MRPL1: variants seen among roughly 807,000 people sequenced by gnomAD.
MRPL1 encodes the protein large ribosomal subunit protein uL1m.
MRPL1 carries 28 observed loss-of-function variants against 38.0 expected under a neutral mutation model. The observed-to-expected ratio is 0.74, with a 90% CI of 0.55 to 1.01. The LOEUF (loss-of-function observed/expected upper bound fraction) is 1.01, where lower values mean the gene tolerates loss of function less well. Ranked by LOEUF, MRPL1 falls within the 50% of genes least tolerant of loss-of-function variation. The probability of loss-of-function intolerance (pLI) is 0.00; values close to 1 mark genes in which losing one functional copy is unlikely to be tolerated. For missense variants in MRPL1, 358 were observed against 389.8 expected (o/e 0.92, Z 0.69); for synonymous variants, 123 against 126.7 (o/e 0.97, Z 0.20).
intron 7 of MRPL1, among the ~76,000 whole-genome samples, chr4:77,933,216 A>G (rs1736887486): frequency 6.6e-6 from 1 of 152,108 alleles, no homozygotes. Flanking sequence ...GCATGCTGGG[A>G]TGAGAGGTGT....
Position 77,867,530 on chromosome 4 carries a change from CTTTTCT to C in MRPL1, c.32-4192_32-4187del, listed in dbSNP as rs548304554. ...AGGAGCAGGAATTAATTGGATAATT[CTTTTCT>C]TTTTCTTTTTCTTTTTCTTTTCTTT... On this transcript the variant is annotated intron_variant, in intron 1 of 8. Coordinates refer to ENST00000315567, the MANE Select transcript of MRPL1 (RefSeq NM_020236.4). Among the ~76,000 whole-genome samples, 812 of 150,068 alleles carry C rather than the reference CTTTTCT, an allele frequency of 5.4e-3. 8 individuals are homozygous for C. The highest frequency in any genetic ancestry group is 0.019 in the African/African-American group (760 of 40,056).
chr4:77,940,545 T>C (rs762150677), intron 7 of MRPL1, among the ~76,000 whole-genome samples: 15 of 152,196 alleles, frequency 9.9e-5, no homozygotes, highest in Non-Finnish European at 1.8e-4. Context: ...CTTTCTCTTG[T>C]CTAATTGCTC....
intron 6 of MRPL1, among the ~76,000 whole-genome samples, chr4:77,904,867 A>G (rs4859889): frequency 0.76 from 115,272 of 152,180 alleles, 44,507 homozygotes; most frequent in African/African-American, 0.91. Context: ...AGACCTAAAT[A>G]TAAAAGATAA....
chr4:77,870,056 G>A (rs956723902), intron 1 of MRPL1, among the ~76,000 whole-genome samples: 11 of 151,762 alleles, frequency 7.2e-5, no homozygotes, highest in African/African-American at 2.2e-4. Flanking sequence ...GTGCACCGTC[G>A]CTAATTTTTA....
chr4:77,919,154 G>A (rs1736505566), intron 7 of MRPL1, among the ~76,000 whole-genome samples: 1 of 152,110 alleles, frequency 6.6e-6, no homozygotes, highest in Non-Finnish European at 1.5e-5. Flanking sequence ...AGACTTTGAA[G>A]TAATTTTCAA....
chr4:77,862,860 C>T lies in MRPL1; in HGVS notation c.12C>T (p.Ala4=), dbSNP rs757362987. MAA[A]VRCMGRALIH... is the part of the protein sequence containing the mutation. ...CCGGAGTGCCCAACATGGCGGCGGC[C>T]GTAAGGTGCATGGGTAGAGGTAAGG... Residue 4 remains alanine (A), a synonymous_variant, in exon 1 of 9, where the codon GCC becomes GCT. Coordinates refer to ENST00000315567, the MANE Select transcript of MRPL1 (RefSeq NM_020236.4). 3.7e-6 allele frequency: 6 copies of T among 1,613,956 alleles called. No homozygotes were observed. Among genetic ancestry groups the T allele is most frequent in the African/African-American group, 1.3e-5 (1 of 74,896 alleles).
At chr4:77,943,904 C>T (rs182775856) in intron 7 of MRPL1, among the ~76,000 whole-genome samples, 2 of 152,214 alleles carry the variant, frequency 1.3e-5, no homozygotes, top group Admixed American at 6.5e-5. Context: ...GGTTTGGATC[C>T]ATTGCGATCC....
chr4:77,915,272 C>T (rs1273849200), intron 7 of MRPL1, among the ~76,000 whole-genome samples: 3 of 152,170 alleles, frequency 2.0e-5, no homozygotes, highest in Non-Finnish European at 4.4e-5. Flanking sequence ...AATGATCTTT[C>T]TTAATTATTT....
At chr4:77,940,511 T>A (rs1737096910) in intron 7 of MRPL1, among the ~76,000 whole-genome samples, 1 of 152,220 alleles carries the variant, frequency 6.6e-6, no homozygotes, top group Non-Finnish European at 1.5e-5. Flanking sequence ...TTTGACTTCC[T>A]CTTTATTGAT....
At chr4:77,881,438 ATTTAC>A (rs1735537310) in intron 2 of MRPL1, among the ~76,000 whole-genome samples, 1 of 134,376 alleles carries the variant, frequency 7.4e-6, no homozygotes, top group Non-Finnish European at 1.6e-5. Context: ...CATCTTCAAT[ATTTAC>A]TTTTTTTTTT....
chr4:77,866,038 C>T (rs537114286), intron 1 of MRPL1, among the ~76,000 whole-genome samples: 1 of 151,994 alleles, frequency 6.6e-6, no homozygotes, highest in East Asian at 1.9e-4. Flanking sequence ...GAGGGCTTAG[C>T]ATAAAAAAAA....
chr4:77,897,883 T>G (rs1405734559), intron 6 of MRPL1, among the ~76,000 whole-genome samples: 2 of 152,216 alleles, frequency 1.3e-5, no homozygotes, highest in African/African-American at 4.8e-5. Context: ...CATATTAGTT[T>G]AAAAACTATC....
chr4:77,947,197 C>A (rs1330120941), intron 7 of MRPL1, among the ~76,000 whole-genome samples: 2 of 152,138 alleles, frequency 1.3e-5, no homozygotes, highest in Non-Finnish European at 1.5e-5. Context: ...GAAGTCTTCC[C>A]ATCTAGTCTG....
At chr4:77,950,805 T>C (rs1220057092) in intron 8 of MRPL1, among the ~76,000 whole-genome samples, 1 of 152,212 alleles carries the variant, frequency 6.6e-6, no homozygotes. Context: ...AAAATGTTGT[T>C]ATTCTCTTTT....
chr4:77,895,365 G>A (rs999993326), intron 6 of MRPL1, among the ~76,000 whole-genome samples: 7 of 151,996 alleles, frequency 4.6e-5, no homozygotes, highest in African/African-American at 1.5e-4. Flanking sequence ...GAGAGGTTGA[G>A]GGGGAGAAAA....
intron 7 of MRPL1, among the ~76,000 whole-genome samples, chr4:77,924,871 T>C (rs893681904): frequency 9.9e-5 from 15 of 152,232 alleles, no homozygotes; most frequent in African/African-American, 3.6e-4. Flanking sequence ...GTTATATACC[T>C]AAGAAAGCCA....
intron 7 of MRPL1, among the ~76,000 whole-genome samples, chr4:77,935,967 T>G (rs1236898664): frequency 2.0e-5 from 3 of 152,062 alleles, no homozygotes; most frequent in Admixed American, 6.6e-5. Context: ...GTCTTGCATT[T>G]TATAGCATCT....
intron 7 of MRPL1, among the ~76,000 whole-genome samples, chr4:77,948,221 A>C (rs549140650): frequency 6.6e-6 from 1 of 152,150 alleles, no homozygotes; most frequent in Non-Finnish European, 1.5e-5. Flanking sequence ...GGGGGTGTAG[A>C]ATTGATTAGA....
At chr4:77,866,212 C>T (rs1020190962) in intron 1 of MRPL1, among the ~76,000 whole-genome samples, 7 of 152,122 alleles carry the variant, frequency 4.6e-5, no homozygotes, top group South Asian at 2.1e-4. Context: ...CCACTGGGTC[C>T]GGGTAATGTT....
Sources: gnomAD v4.1 joint callset for allele counts (sites outside exome capture counted in the v4.1 genomes callset) on GRCh38, gnomAD v4.1.1 for gene constraint, MANE v1.5 for transcripts, NCBI Gene and HGNC (gene_info 2026-07-23, HGNC 2026-07-21) for gene names.